Variants in ZEB2 observed in about 807,000 individuals in gnomAD.
ZEB2 encodes the protein zinc finger E-box-binding homeobox 2.
In ZEB2, 6 loss-of-function variants were observed where a neutral mutation model predicts 99.9. The observed-to-expected ratio is 0.06, with a 90% CI of 0.03 to 0.12. The LOEUF is 0.12. Ranked by LOEUF, ZEB2 falls within the 10% of genes least tolerant of loss-of-function variation. The probability of loss-of-function intolerance (pLI) is 1.00; values close to 1 mark genes in which losing one functional copy is unlikely to be tolerated. For synonymous variants in ZEB2, 517 were observed against 542.5 expected (o/e 0.95, Z 0.65); for missense variants, 969 against 1,502.8 (o/e 0.64, Z 5.87).
intron 2 of ZEB2, among the ~76,000 whole-genome samples, chr2:144,450,643 T>C (rs1267668223): frequency 1.3e-5 from 2 of 152,142 alleles, no homozygotes; most frequent in East Asian, 3.9e-4. Flanking sequence ...CAACTGCATG[T>C]TACTTATAGC....
intron 8 of ZEB2, among the ~76,000 whole-genome samples, chr2:144,396,833 G>T (rs2149875684): frequency 6.6e-6 from 1 of 151,934 alleles, no homozygotes; most frequent in East Asian, 1.9e-4. Flanking sequence ...TTAAGGACAG[G>T]AAATGGTCAA....
intron 7 of ZEB2, 105 bp downstream of exon 7, chr2:144,401,094 G>A (rs1703303755): frequency 9.6e-7 from 1 of 1,042,058 alleles, no homozygotes; most frequent in Non-Finnish European, 1.5e-6. Flanking sequence ...TAAATAGATA[G>A]TTCCAAAAAG....
intron 4 of ZEB2, among the ~76,000 whole-genome samples, chr2:144,421,048 T>C (rs557819610): frequency 1.3e-5 from 2 of 152,162 alleles, no homozygotes; most frequent in Non-Finnish European, 2.9e-5. Context: ...GCTTTCAAGT[T>C]TGGATGACTG....
rs562747321 is a variant in ZEB2, at chr2:144,468,466, G to A, written c.74-38440C>T. 5.3e-5 allele frequency among the ~76,000 whole-genome samples: 8 copies of A among 152,270 alleles called. No homozygotes were observed. The East Asian group carries it at 1.2e-3, about 22-fold the overall frequency. On this transcript the variant is annotated intron_variant, in intron 2 of 9. Transcript: ENST00000627532. ...TATGTGTCTGATGCTTAAGGACAATGTTTGGTCAAAAAACTGAGGTCTCAT... is the reference window on the plus strand; with the variant it reads ...TATGTGTCTGATGCTTAAGGACAATATTTGGTCAAAAAACTGAGGTCTCAT...
intron 4 of ZEB2, among the ~76,000 whole-genome samples, chr2:144,411,583 T>G (rs531798437): frequency 6.6e-6 from 1 of 152,188 alleles, no homozygotes; most frequent in Non-Finnish European, 1.5e-5. Flanking sequence ...ATTACACAGC[T>G]ACATGGGCGG....
At chr2:144,503,584 C>T (rs922314196) in intron 2 of ZEB2, 1 of 152,016 alleles carries the variant, frequency 6.6e-6, no homozygotes, top group East Asian at 1.9e-4. Context: ...CCCCCTCCCA[C>T]TCCAAAGTTA....
In ZEB2 at chr2:144,399,941, T is replaced by C; in HGVS notation, c.1246A>G (p.Met416Val). Residue 416 changes from methionine (M) to valine (V), a missense_variant, in exon 8 of 10, where the codon ATG becomes GTG. Physicochemically the swap from Met to Val is conservative, Grantham distance 21. Transcript: ENST00000627532. This position sits in a 1 kb window ranked among gnomAD's most constrained non-coding sequence, Gnocchi z 5.6. ...THGFSGTSPFMNGGLGATSPL... is the reference protein window; with the variant it reads ...THGFSGTSPFVNGGLGATSPL... ...CTGGTGGCTCCAAGCCCACCATTCA[T>C]AAAGGGACTAGTGCCACTAAACCCG... 6.2e-7 allele frequency: 1 copy of C among 1,614,214 alleles called. No individual in the cohort carries two copies.
chr2:144,437,284 A>T (rs1403353541), intron 2 of ZEB2, among the ~76,000 whole-genome samples: 1 of 152,222 alleles, frequency 6.6e-6, no homozygotes, highest in African/African-American at 2.4e-5. Context: ...GCCTAGCATG[A>T]TGGCATGCTG....
At chr2:144,448,343 A>C (rs1282210503) in intron 2 of ZEB2, among the ~76,000 whole-genome samples, 1 of 152,170 alleles carries the variant, frequency 6.6e-6, no homozygotes, top group African/African-American at 2.4e-5. Context: ...CCATGCTGCC[A>C]CCCTATGAGG....
intron 2 of ZEB2, among the ~76,000 whole-genome samples, chr2:144,475,150 T>A (rs770190388): frequency 5.3e-5 from 8 of 152,162 alleles, no homozygotes; most frequent in Non-Finnish European, 1.0e-4. Flanking sequence ...GTTTTCTCAC[T>A]CTCTACCTCA....
At chr2:144,472,444 CG>C (rs1247172672) in intron 2 of ZEB2, among the ~76,000 whole-genome samples, 2 of 151,944 alleles carry the variant, frequency 1.3e-5, no homozygotes, top group African/African-American at 4.8e-5. Context: ...GTGATTGAAG[CG>C]GGGTGTGATT....
At chr2:144,493,440 C>T (rs1351862804) in intron 2 of ZEB2, among the ~76,000 whole-genome samples, 1 of 152,130 alleles carries the variant, frequency 6.6e-6, no homozygotes. Context: ...AGAAACGCAC[C>T]CAGGGGCACA....
chr2:144,405,320 A>T (rs1280281675), intron 4 of ZEB2: 5 of 352,598 alleles, frequency 1.4e-5, no homozygotes, highest in Admixed American at 9.0e-5. Context: ...TTTTTCATAA[A>T]TTTTTTTTAA....
intron 9 of ZEB2, among the ~76,000 whole-genome samples, chr2:144,396,172 T>C (rs1703227114): frequency 6.6e-6 from 1 of 152,178 alleles, no homozygotes; most frequent in Admixed American, 6.5e-5. Flanking sequence ...TGACATAATT[T>C]CTAAATTTGG....
At chr2:144,480,797 C>T (rs1230898322) in intron 2 of ZEB2, among the ~76,000 whole-genome samples, 3 of 150,470 alleles carry the variant, frequency 2.0e-5, no homozygotes, top group East Asian at 2.0e-4. Flanking sequence ...AGTTTCCCTA[C>T]TCATATAAAA....
At chr2:144,462,650 G>C (rs1206652293) in intron 2 of ZEB2, 1 of 152,134 alleles carries the variant, frequency 6.6e-6, no homozygotes, top group African/African-American at 2.4e-5. Flanking sequence ...AAAGAAAATG[G>C]AAACTGCAAC....
chr2:144,490,725 TTCA>T (rs1704665705), intron 2 of ZEB2, among the ~76,000 whole-genome samples: 1 of 152,164 alleles, frequency 6.6e-6, no homozygotes, highest in Admixed American at 6.5e-5. Flanking sequence ...AAATGACAAG[TTCA>T]TCATCTTCCT....
intron 4 of ZEB2, among the ~76,000 whole-genome samples, chr2:144,414,742 A>G (rs1246275504): frequency 6.6e-6 from 1 of 152,244 alleles, no homozygotes; most frequent in Non-Finnish European, 1.5e-5. Context: ...CTACTGCACC[A>G]TAATGACTCA....
intron 6 of ZEB2, among the ~76,000 whole-genome samples, chr2:144,401,979 G>A (rs1330223538): frequency 6.6e-6 from 1 of 152,136 alleles, no homozygotes; most frequent in Non-Finnish European, 1.5e-5. Flanking sequence ...ATTATCAAAC[G>A]TAAGAGACAA....
Sources: gnomAD v4.1 joint callset for allele counts (sites outside exome capture counted in the v4.1 genomes callset) on GRCh38, gnomAD v4.1.1 for gene constraint, Gnocchi (gnomAD v3.1) non-coding constraint, MANE v1.5 for transcripts, NCBI Gene and HGNC (gene_info 2026-07-23, HGNC 2026-07-21) for gene names.